MBTD1: variants seen among roughly 807,000 people sequenced by gnomAD.
MBTD1 encodes the protein mbt domain containing 1, also known as MBT domain-containing protein 1.
Under a neutral mutation model 87.8 loss-of-function variants are expected in MBTD1, and 24 were observed. The ratio of observed to expected loss-of-function variants is 0.27; its 90% CI spans 0.20 to 0.38. The LOEUF (loss-of-function observed/expected upper bound fraction) is 0.38, where lower values mean the gene tolerates loss of function less well. Ranked by LOEUF, MBTD1 falls within the 10% of genes least tolerant of loss-of-function variation. The pLI, the probability that MBTD1 is intolerant of heterozygous loss-of-function variation, is 1.00. For missense variants in MBTD1, 436 were observed against 760.2 expected (o/e 0.57, Z 5.02); for synonymous variants, 237 against 248.6 (o/e 0.95, Z 0.44).
chr17:51,209,962 G>C (rs930313167), intron 6 of MBTD1, among the ~76,000 whole-genome samples: 11 of 152,068 alleles, frequency 7.2e-5, no homozygotes, highest in African/African-American at 2.7e-4. Context: ...GTAGAAAGTA[G>C]AAAAAGAAAA....
At position 51,225,218 on chromosome 17, in the gene MBTD1, T is replaced by C. The variant is rs2053141833; in HGVS notation, c.-48-9A>G. 7 of 1,462,272 alleles carry C rather than the reference T, an allele frequency of 4.8e-6. No homozygotes were observed. Among genetic ancestry groups the C allele is most frequent in the Non-Finnish European group, 6.4e-6 (7 of 1,099,240 alleles). The allele number at this position is 1,462,272 out of a possible 1,614,324, so 90.6% of individuals were successfully genotyped here. A position where few individuals can be genotyped will look rare whatever the true frequency, so the allele number is the denominator to read the frequency against. On this transcript the variant is annotated splice_polypyrimidine_tract_variant and intron_variant, in intron 2 of 16. Coordinates refer to ENST00000586178, the MANE Select transcript of MBTD1 (RefSeq NM_017643.3). ...CGTGAAGAATGTTCAGTCTTTGAAG[T>C]AAGAGAAACCAGTGACACATGACAC... is the stretch of plus-strand genomic sequence containing the variant.
intron 2 of MBTD1, 37 bp from the exon 3 acceptor site, chr17:51,225,246 C>CG (rs1669798333): frequency 3.5e-6 from 4 of 1,144,680 alleles, no homozygotes; most frequent in Non-Finnish European, 4.7e-6. Context: ...CATGACACAA[C>CG]ACTCATACAC....
intron 2 of MBTD1, among the ~76,000 whole-genome samples, chr17:51,247,462 T>C (rs1209799675): frequency 8.2e-6 from 1 of 121,368 alleles, no homozygotes; most frequent in Non-Finnish European, 1.8e-5. Context: ...TTTTTTTTTT[T>C]TGGAGACACG....
At chr17:51,184,988 G>C (rs989745351) in intron 16 of MBTD1, 3 of 152,152 alleles carry the variant, frequency 2.0e-5, no homozygotes, top group African/African-American at 7.2e-5. Context: ...CAGAGAAAAA[G>C]ACTGGGAAGG....
At chr17:51,200,670 C>A (rs1312545616) in intron 12 of MBTD1, among the ~76,000 whole-genome samples, 1 of 151,404 alleles carries the variant, frequency 6.6e-6, no homozygotes, top group Non-Finnish European at 1.5e-5. Context: ...TCGAGACCAG[C>A]CCAGGCAACA....
intron 16 of MBTD1, among the ~76,000 whole-genome samples, chr17:51,190,392 C>A (rs779981093): frequency 7.2e-5 from 11 of 151,960 alleles, no homozygotes; most frequent in South Asian, 4.2e-4. Context: ...CAGGCATGAG[C>A]CACCGCGTCC....
chr17:51,227,067 C>T (rs943272859), intron 2 of MBTD1, among the ~76,000 whole-genome samples: 4 of 151,894 alleles, frequency 2.6e-5, no homozygotes, highest in African/African-American at 9.7e-5. Context: ...ACGGTGAAAC[C>T]CCGCCTCTAC....
Position 51,192,289 on chromosome 17 carries a change from TAA to T in MBTD1, c.1691-11_1691-10del, listed in dbSNP as rs1198350021. On this transcript the variant is annotated splice_polypyrimidine_tract_variant and intron_variant, in intron 15 of 16. Coordinates refer to ENST00000586178, the MANE Select transcript of MBTD1 (RefSeq NM_017643.3). ...TTGGTTTTCTCTTGATGCTGAAAAA[TAA>T]AAAGGGAAAATTGGTACTAGATAAT... The T allele has an allele frequency of 1.0e-5, 16 of 1,543,452 alleles. 1 individual carries two copies. The South Asian group carries it at 1.9e-4, about 18-fold the overall frequency.
Position 51,179,531 on chromosome 17 carries a change from TA to T in MBTD1, c.*1044del, listed in dbSNP as rs2144934463. 9.2e-6 allele frequency: 1 copy of T among 108,526 alleles called. No homozygotes were observed. Among genetic ancestry groups the T allele is most frequent in the East Asian group, 2.9e-4 (1 of 3,438 alleles). The allele number at this position is 108,526 out of a possible 1,614,324, so 6.7% of individuals were successfully genotyped here. On this transcript the variant is annotated 3_prime_UTR_variant, in exon 17 of 17. Transcript: ENST00000586178. ...ATATATATATATATATATATATATA[TA>T]TATATGGAATTTTAAGAAAATTAAA...
chr17:51,199,682 C>T (rs573458150), intron 12 of MBTD1, among the ~76,000 whole-genome samples: 15 of 152,078 alleles, frequency 9.9e-5, no homozygotes, highest in Admixed American at 3.9e-4. Context: ...CCTTGTGATT[C>T]GCCCCCCTCG....
chr17:51,255,600 CTT>C (rs1162659426), intron 2 of MBTD1, among the ~76,000 whole-genome samples: 6 of 141,146 alleles, frequency 4.3e-5, no homozygotes, highest in Admixed American at 7.0e-5. Context: ...TTTTTTTTTC[CTT>C]TTTTTTTTTT....
intron 12 of MBTD1, among the ~76,000 whole-genome samples, chr17:51,196,485 GC>G (rs1003147336): frequency 4.0e-5 from 6 of 151,696 alleles, no homozygotes; most frequent in East Asian, 3.9e-4. Flanking sequence ...TGGCCAGGCT[GC>G]CCCCCCTTTT....
At chr17:51,202,178 A>T (rs2051529434) in intron 10 of MBTD1, 101 bp from the exon 11 acceptor site, 1 of 722,116 alleles carries the variant, frequency 1.4e-6, no homozygotes, top group Non-Finnish European at 2.5e-6. Context: ...CATACTATAA[A>T]ACATGGCAAG....
At position 51,180,675 on chromosome 17, in the gene MBTD1, C is replaced by T. The variant is rs1360126534; in HGVS notation, c.1788G>A (p.Lys596=). The part of the protein sequence containing the change: ...GHKKMTTLQL[K]EELLDGEDYN... ...AATCCTCTCCATCCAGCAACTCCTCCTTCAGCTGCAGTGTTGTCACTGAAT... is the reference window on the plus strand; with the variant it reads ...AATCCTCTCCATCCAGCAACTCCTCTTTCAGCTGCAGTGTTGTCACTGAAT... Residue 596 remains lysine (K), a synonymous_variant, in exon 17 of 17, where the codon AAG becomes AAA. Coordinates refer to ENST00000586178, the MANE Select transcript of MBTD1 (RefSeq NM_017643.3). 1 of 1,545,680 alleles carries T rather than the reference C, an allele frequency of 6.5e-7. No individual in the cohort carries two copies. Among genetic ancestry groups the T allele is most frequent in the Non-Finnish European group, 8.8e-7 (1 of 1,141,560 alleles).
intron 2 of MBTD1, among the ~76,000 whole-genome samples, chr17:51,248,831 T>C (rs1425169220): frequency 2.6e-5 from 4 of 152,274 alleles, no homozygotes. Flanking sequence ...ACAAGGTTTC[T>C]TAACTTCAAG....
intron 16 of MBTD1, among the ~76,000 whole-genome samples, chr17:51,188,379 A>T (rs114053511): frequency 6.6e-6 from 1 of 152,308 alleles, no homozygotes; most frequent in African/African-American, 2.4e-5. Flanking sequence ...AAGCTAGACC[A>T]ATGAAGCTCA....
At position 51,197,032 on chromosome 17, in the gene MBTD1, TATATACAAGA is replaced by T. The variant is rs1438072440; in HGVS notation, c.1225-1681_1225-1672del. On this transcript the variant is annotated intron_variant, in intron 12 of 16. Coordinates refer to ENST00000586178, the MANE Select transcript of MBTD1 (RefSeq NM_017643.3). The stretch of plus-strand genomic sequence containing the variant: ...TGATTTTTGTCTTTATCTATTATTA[TATATACAAGA>T]TATATATATATATATATATATATAT... 2.0e-4 allele frequency among the ~76,000 whole-genome samples: 18 copies of T among 88,444 alleles called. 1 individual carries two copies. The highest frequency in any genetic ancestry group is 3.6e-4 in the Non-Finnish European group (16 of 44,844). The allele number at this position is 88,444 out of a possible 152,430, so 58.0% of individuals were successfully genotyped here.
intron 12 of MBTD1, among the ~76,000 whole-genome samples, chr17:51,195,672 A>T (rs2051057399): frequency 1.3e-5 from 2 of 152,176 alleles, no homozygotes; most frequent in South Asian, 4.1e-4. Flanking sequence ...AGTGCTTACT[A>T]TTTACCTATC....
intron 16 of MBTD1, among the ~76,000 whole-genome samples, chr17:51,188,495 TATG>T (rs1477813510): frequency 6.6e-6 from 1 of 152,214 alleles, no homozygotes; most frequent in East Asian, 1.9e-4. Flanking sequence ...AGAGCCAGAA[TATG>T]ATAACCTACC....
Sources: allele counts gnomAD v4.1 joint callset (sites outside exome capture counted in the v4.1 genomes callset), GRCh38; gene constraint gnomAD v4.1.1; transcripts MANE v1.5; gene names NCBI Gene and HGNC (gene_info 2026-07-23, HGNC 2026-07-21).